The following RALGAPA2 variants were observed in gnomAD, a reference collection of about 807,000 sequenced individuals.
RALGAPA2 encodes the protein ral GTPase-activating protein subunit alpha-2.
A neutral mutation model predicts 230.4 loss-of-function variants in RALGAPA2; 139 were observed. That is an observed-to-expected ratio of 0.60 (90% CI 0.53 to 0.69). The LOEUF is 0.69. RALGAPA2 is among the 30% of genes least tolerant of loss of function. The pLI, the probability that RALGAPA2 is intolerant of heterozygous loss-of-function variation, is 0.00. For synonymous variants in RALGAPA2, 847 were observed against 837.8 expected, an observed-to-expected ratio of 1.01 and a Z score of -0.19; for missense variants, 2,163 against 2,276.0, an observed-to-expected ratio of 0.95 and a Z score of 1.01.
At chr20:20,514,351 A>G (rs1422769027) in intron 31 of RALGAPA2, among the ~76,000 whole-genome samples, 1 of 151,926 alleles carries the variant, frequency 6.6e-6, no homozygotes, top group African/African-American at 2.4e-5. Flanking sequence ...GAGATCCTGC[A>G]GCAGGGAGCC....
chr20:20,393,997 A>G (rs150530663), intron 39 of RALGAPA2, among the ~76,000 whole-genome samples: 14 of 151,952 alleles, frequency 9.2e-5, no homozygotes, highest in African/African-American at 2.9e-4. Flanking sequence ...GTATTTTTAA[A>G]CCCTGTTGTA....
chr20:20,614,413 A>C (rs1414940979), intron 13 of RALGAPA2, among the ~76,000 whole-genome samples: 1 of 152,214 alleles, frequency 6.6e-6, no homozygotes, highest in Non-Finnish European at 1.5e-5. Context: ...GGAAAAAAAC[A>C]TTAAAAATGA....
At chr20:20,436,423 A>T (rs1770237609) in intron 37 of RALGAPA2, among the ~76,000 whole-genome samples, 1 of 151,766 alleles carries the variant, frequency 6.6e-6, no homozygotes, top group African/African-American at 2.4e-5. Flanking sequence ...CTTTGCTCAA[A>T]CACGTTACTT....
Position 20,643,379 on chromosome 20 carries a change from T to A in RALGAPA2, c.372+127A>T, listed in dbSNP as rs2067105816. 12 of 878,332 alleles carry A rather than the reference T, an allele frequency of 1.4e-5. No homozygotes were observed. The South Asian group carries it at 2.0e-4, about 14-fold the overall frequency. The allele number at this position is 878,332 out of a possible 1,614,324, so 54.4% of individuals were successfully genotyped here. ...AAACCCTAACAATATAATTTCTCAA[T>A]TAAAAATTAAAACTAAGTCAAGTGG... is the stretch of plus-strand genomic sequence containing the variant. On this transcript the variant is annotated intron_variant, in intron 5 of 39. Transcript: ENST00000202677.
chr20:20,700,050 T>A (rs977588040), intron 1 of RALGAPA2, among the ~76,000 whole-genome samples: 4 of 152,128 alleles, frequency 2.6e-5, no homozygotes, highest in African/African-American at 9.7e-5. Context: ...AAACATGGAA[T>A]CAACCTAACT....
chr20:20,603,809 A>G (rs972263131), intron 15 of RALGAPA2, among the ~76,000 whole-genome samples: 3 of 152,218 alleles, frequency 2.0e-5, no homozygotes, highest in African/African-American at 7.2e-5. Flanking sequence ...ATTTTAAGCC[A>G]TAAGTTTTGG....
intron 4 of RALGAPA2, among the ~76,000 whole-genome samples, chr20:20,651,173 C>T (rs191259829): frequency 1.3e-5 from 2 of 152,264 alleles, no homozygotes; most frequent in East Asian, 1.9e-4. Flanking sequence ...TGTACATCAA[C>T]GCACCACATT....
At chr20:20,707,596 T>C (rs896278026) in intron 1 of RALGAPA2, among the ~76,000 whole-genome samples, 2 of 152,304 alleles carry the variant, frequency 1.3e-5, no homozygotes, top group South Asian at 2.1e-4. Context: ...TAGAGCAACA[T>C]GAGCAACATA....
intron 23 of RALGAPA2, among the ~76,000 whole-genome samples, chr20:20,551,924 T>C (rs1334871421): frequency 2.6e-5 from 4 of 152,216 alleles, no homozygotes; most frequent in Non-Finnish European, 5.9e-5. Flanking sequence ...GTTTACATAA[T>C]TGCACAGCTA....
chr20:20,706,041 T>C (rs1418693575), intron 1 of RALGAPA2, among the ~76,000 whole-genome samples: 1 of 152,250 alleles, frequency 6.6e-6, no homozygotes, highest in African/African-American at 2.4e-5. Context: ...ATCAGTACTC[T>C]ACATACCTAG....
intron 37 of RALGAPA2, among the ~76,000 whole-genome samples, chr20:20,444,324 T>C (rs185877777): frequency 6.6e-6 from 1 of 152,370 alleles, no homozygotes; most frequent in East Asian, 1.9e-4. Flanking sequence ...CAAGTACTGC[T>C]GATGATCTGC....
chr20:20,401,938 C>A (rs181569650), intron 38 of RALGAPA2, among the ~76,000 whole-genome samples: 33 of 152,344 alleles, frequency 2.2e-4, no homozygotes, highest in Non-Finnish European at 4.0e-4. Flanking sequence ...ATTGTACAGG[C>A]CATACATTCT....
chr20:20,670,831 C>A (rs2068109342), intron 3 of RALGAPA2, among the ~76,000 whole-genome samples: 1 of 151,692 alleles, frequency 6.6e-6, no homozygotes. Flanking sequence ...CACCTGTAGT[C>A]CCAACTACTC....
Position 20,526,354 on chromosome 20 carries a change from G to A in RALGAPA2, c.3591C>T (p.Asn1197=). The change falls in exon 28 of 40, where the codon AAC becomes AAT. Residue 1197 remains asparagine, a synonymous_variant. Transcript: ENST00000202677. ...NVIGVTLKFP[N]KIVAQVACDV... is the part of the protein sequence containing the mutation. ...CGCAAGCTACCTGGGCCACGATTTT[G>A]TTGGGAAACTATAAAAGGAAACCGA... 6.3e-7 allele frequency: 1 copy of A among 1,590,050 alleles called. No individual in the cohort carries two copies. Among genetic ancestry groups the A allele is most frequent in the Non-Finnish European group, 8.5e-7 (1 of 1,170,392 alleles).
chr20:20,562,473 T>C (rs1436802265), intron 23 of RALGAPA2, among the ~76,000 whole-genome samples: 2 of 152,254 alleles, frequency 1.3e-5, no homozygotes, highest in Non-Finnish European at 2.9e-5. Flanking sequence ...ATACTATTTT[T>C]ATGCTTTATT....
intron 37 of RALGAPA2, among the ~76,000 whole-genome samples, chr20:20,424,079 C>T (rs1006698647): frequency 2.7e-4 from 41 of 152,190 alleles, no homozygotes; most frequent in Admixed American, 2.4e-3. Flanking sequence ...AGCTGAAGGT[C>T]TCCCTCCTAG....
At chr20:20,572,446 CA>C (rs397964870) in intron 21 of RALGAPA2, among the ~76,000 whole-genome samples, 151 of 101,688 alleles carry the variant, frequency 1.5e-3, no homozygotes, top group South Asian at 2.7e-3. Flanking sequence ...GACTCCATTT[CA>C]AAAAAAAAAA....
At chr20:20,596,920 T>A (rs981204283) in intron 16 of RALGAPA2, among the ~76,000 whole-genome samples, 8 of 152,152 alleles carry the variant, frequency 5.3e-5, no homozygotes, top group Non-Finnish European at 8.8e-5. Context: ...TTGTGACAAT[T>A]AAAAATGTCT....
At chr20:20,703,762 C>G (rs1272755411) in intron 1 of RALGAPA2, among the ~76,000 whole-genome samples, 1 of 152,118 alleles carries the variant, frequency 6.6e-6, no homozygotes, top group East Asian at 1.9e-4. Flanking sequence ...GGGGGATGTT[C>G]TCACAATGAA....
Sources: gnomAD v4.1 joint callset for allele counts (sites outside exome capture counted in the v4.1 genomes callset) on GRCh38, gnomAD v4.1.1 for gene constraint, MANE v1.5 for transcripts, NCBI Gene and HGNC (gene_info 2026-07-23, HGNC 2026-07-21) for gene names.